C2orf76: variants seen among roughly 807,000 people sequenced by gnomAD.
C2orf76 encodes the protein chromosome 2 open reading frame 76.
In C2orf76, 23 loss-of-function variants were observed where a neutral mutation model predicts 16.9. The ratio of observed to expected loss-of-function variants is 1.36; its 90% CI spans 0.98 to 1.93. The LOEUF is 1.93. Among genes scored for constraint, C2orf76 ranks in the 30% most tolerant of loss-of-function variants. C2orf76 has a pLI of 0.00. For missense variants in C2orf76, 152 were observed against 152.6 expected (o/e 1.00, Z 0.02); for synonymous variants, 48 against 52.3 (o/e 0.92, Z 0.35).
chr2:119,360,920 T>C (rs982046396), intron 1 of C2orf76, among the ~76,000 whole-genome samples: 5 of 152,206 alleles, frequency 3.3e-5, no homozygotes, highest in Admixed American at 2.6e-4. Context: ...TATAACATTA[T>C]TGAAATGATA....
At chr2:119,342,241 C>T (rs1184114715) in intron 1 of C2orf76, among the ~76,000 whole-genome samples, 1 of 152,130 alleles carries the variant, frequency 6.6e-6, no homozygotes, top group South Asian at 2.1e-4. Context: ...TGGAAAAAAG[C>T]AAGTTGCAGA....
chr2:119,297,479 G>T (rs1678558148), downstream of C2orf76, among the ~76,000 whole-genome samples: 1 of 152,142 alleles, frequency 6.6e-6, no homozygotes, highest in South Asian at 2.1e-4. Flanking sequence ...GCAAGAAGAG[G>T]ATTTTTACTT....
chr2:119,281,552 A>G, the C2orf76 span, among the ~76,000 whole-genome samples: 2 of 152,212 alleles, frequency 1.3e-5, no homozygotes, highest in African/African-American at 4.8e-5. Context: ...AGAATGACAG[A>G]GAGAGAAAAA....
At chr2:119,354,366 C>T (rs560561587) in intron 1 of C2orf76, among the ~76,000 whole-genome samples, 13 of 152,116 alleles carry the variant, frequency 8.5e-5, no homozygotes, top group African/African-American at 3.1e-4. Context: ...ACTAAAAATA[C>T]AGAAAAATAT....
chr2:119,298,313 G>GT (rs1158246545), downstream of C2orf76, among the ~76,000 whole-genome samples: 1 of 151,510 alleles, frequency 6.6e-6, no homozygotes, highest in Admixed American at 6.6e-5. Flanking sequence ...ACCCTTAACT[G>GT]TTTTTTTTAA....
At chr2:119,348,922 G>A (rs1680294581) in intron 1 of C2orf76, among the ~76,000 whole-genome samples, 1 of 152,242 alleles carries the variant, frequency 6.6e-6, no homozygotes, top group African/African-American at 2.4e-5. Flanking sequence ...GGGAGGCAGA[G>A]GTTGCCAAGA....
chr2:119,287,256 G>A, the C2orf76 span, among the ~76,000 whole-genome samples: 4 of 152,186 alleles, frequency 2.6e-5, no homozygotes, highest in Non-Finnish European at 1.5e-5. Context: ...TTGTCCTGCA[G>A]AGCTTGCTGG....
chr2:119,284,565 C>T, the C2orf76 span, among the ~76,000 whole-genome samples: 1 of 152,074 alleles, frequency 6.6e-6, no homozygotes, highest in Non-Finnish European at 1.5e-5. Context: ...ATTACCTCCA[C>T]CCCAAAAATA....
At chr2:119,288,842 G>A in the C2orf76 span, among the ~76,000 whole-genome samples, 13 of 151,942 alleles carry the variant, frequency 8.6e-5, no homozygotes, top group Non-Finnish European at 1.8e-4. Context: ...AACAAGACAC[G>A]TGGCAATGGT....
chr2:119,321,289 A>G (rs1679334102), intron 2 of C2orf76, 85 bp from the exon 3 acceptor site: 1 of 756,290 alleles, frequency 1.3e-6, no homozygotes, highest in African/African-American at 1.9e-5. Flanking sequence ...ATTCTTTTCT[A>G]TCTACAGACT....
chr2:119,361,088 T>C (rs886279181), intron 1 of C2orf76, among the ~76,000 whole-genome samples: 1 of 152,226 alleles, frequency 6.6e-6, no homozygotes, highest in African/African-American at 2.4e-5. Context: ...GTGTTATGTA[T>C]TCTATATGGT....
intron 1 of C2orf76, among the ~76,000 whole-genome samples, chr2:119,346,054 CAAAAAAAAA>C (rs56669262): frequency 0.21 from 15,591 of 74,016 alleles, 1,015 homozygotes; most frequent in South Asian, 0.29. Flanking sequence ...GACGCCATCT[CAAAAAAAAA>C]AAAAAAAAAA....
Position 119,346,806 on chromosome 2 carries a change from C to T in C2orf76, c.-12-6835G>A, listed in dbSNP as rs376254721. On this transcript the variant is annotated intron_variant, in intron 1 of 5. Transcript: ENST00000334816. ...ACACAGGCATACACATATATACACACACAAGTGTATATAAAACTAGTGAAA... is the reference window on the plus strand; with the variant it reads ...ACACAGGCATACACATATATACACATACAAGTGTATATAAAACTAGTGAAA... Among the ~76,000 whole-genome samples, 45 of 152,258 alleles carry T rather than the reference C, an allele frequency of 3.0e-4. No individual in the cohort carries two copies. In the South Asian group the frequency reaches 8.9e-3, roughly 30 times the overall value.
chr2:119,339,971 C>A lies in C2orf76; in HGVS notation c.-12G>T. The A allele has an allele frequency of 3.1e-6, 5 of 1,606,446 alleles. No individual in the cohort carries two copies. Among genetic ancestry groups the A allele is most frequent in the Non-Finnish European group, 4.3e-6 (5 of 1,173,726 alleles). On this transcript the variant is annotated splice_region_variant and 5_prime_UTR_variant, in exon 2 of 6. Transcript: ENST00000334816. ...TCTCCAGGAGCCATGTGAAGAAATT[C>A]CTGTGGCAAGAGACATGAGAACCAT...
At chr2:119,306,784 AG>A in intron 5 of C2orf76, among the ~76,000 whole-genome samples, 1 of 2,406 alleles carries the variant, frequency 4.2e-4, no homozygotes, top group South Asian at 0.12. Flanking sequence ...TGGGTCCACA[AG>A]CAAAAACTCC....
the C2orf76 span, among the ~76,000 whole-genome samples, chr2:119,288,510 TCTC>T: frequency 2.0e-5 from 3 of 151,940 alleles, no homozygotes; most frequent in African/African-American, 7.2e-5. Context: ...ATTTACATCA[TCTC>T]CTCTGAAAAC....
the C2orf76 span, among the ~76,000 whole-genome samples, chr2:119,291,814 T>C: frequency 6.6e-6 from 1 of 152,092 alleles, no homozygotes; most frequent in Admixed American, 6.6e-5. Flanking sequence ...AAAATAGCAG[T>C]GTAACAGAAA....
At chr2:119,298,184 C>T (rs753597112), downstream of C2orf76, among the ~76,000 whole-genome samples, 1 of 152,168 alleles carries the variant, frequency 6.6e-6, no homozygotes, top group Admixed American at 6.5e-5. Flanking sequence ...TTTCAGAAGG[C>T]CTTCTCTACC....
chr2:119,323,631 C>T (rs1436991391), intron 2 of C2orf76, among the ~76,000 whole-genome samples: 1 of 151,912 alleles, frequency 6.6e-6, no homozygotes, highest in Non-Finnish European at 1.5e-5. Flanking sequence ...TATTTAAACA[C>T]AAAACAAAAC....
Sources: gnomAD v4.1 joint callset for allele counts (sites outside exome capture counted in the v4.1 genomes callset) on GRCh38, gnomAD v4.1.1 for gene constraint, MANE v1.5 for transcripts, NCBI Gene and HGNC (gene_info 2026-07-23, HGNC 2026-07-21) for gene names.